Variants in ESPL1 observed in about 807,000 individuals in gnomAD.
The protein encoded by ESPL1 is separin.
ESPL1 carries 50 observed loss-of-function variants against 217.2 expected under a neutral mutation model. The observed-to-expected ratio is 0.23, with a 90% CI of 0.18 to 0.29. The LOEUF is 0.29. Ranked by LOEUF, ESPL1 falls within the 10% of genes least tolerant of loss-of-function variation. ESPL1 has a pLI of 1.00. For missense variants in ESPL1, 1,834 were observed against 2,603.0 expected, an observed-to-expected ratio of 0.70 and a Z score of 6.43; for synonymous variants, 994 against 1,081.3, an observed-to-expected ratio of 0.92 and a Z score of 1.58.
At chr12:53,277,053 G>T in intron 8 of ESPL1, 30 bp from the exon 9 acceptor site, 1 of 1,604,210 alleles carries the variant, frequency 6.2e-7, no homozygotes. Flanking sequence ...CTCATAGTAG[G>T]CCCAGCTTAA....
At position 53,279,723 on chromosome 12, in the gene ESPL1, G is replaced by A. The variant is rs760510118; in HGVS notation, c.2365-9G>A. 2 of 1,614,000 alleles carry A rather than the reference G, an allele frequency of 1.2e-6. No homozygotes were observed. Among genetic ancestry groups the A allele is most frequent in the Non-Finnish European group, 8.5e-7 (1 of 1,179,994 alleles). On this transcript the variant is annotated splice_polypyrimidine_tract_variant and intron_variant, in intron 11 of 30. Transcript: ENST00000257934. Reference sequence around the variant, plus strand: ...GGGTGGAGTAAACTTGGCTGCTTCTGCTGACCAGCCCATGCAGGCTCTGGA... The same window carrying A: ...GGGTGGAGTAAACTTGGCTGCTTCTACTGACCAGCCCATGCAGGCTCTGGA...
Position 53,288,609 on chromosome 12 carries a change from A to C in ESPL1, c.4618A>C (p.Lys1540Gln). The C allele has an allele frequency of 4.3e-6, 7 of 1,613,888 alleles. No homozygotes were observed. The highest frequency in any genetic ancestry group is 5.9e-6 in the Non-Finnish European group (7 of 1,179,998). Residue 1540 changes from lysine to glutamine, a missense_variant, in exon 20 of 31, where the codon AAG becomes CAG. Transcript: ENST00000257934. ...EWELLRLDSSKKKLPSPCPDK... is the reference protein window; with the variant it reads ...EWELLRLDSSQKKLPSPCPDK... Reference sequence around the variant, plus strand: ...GGAGCTGCTGAGGCTGGATTCCAGCAAGAAGAAGCTGCCCAGCCCATGCCC... The same window carrying C: ...GGAGCTGCTGAGGCTGGATTCCAGCCAGAAGAAGCTGCCCAGCCCATGCCC...
chr12:53,273,633 C>A (rs992409397), intron 6 of ESPL1, among the ~76,000 whole-genome samples: 1 of 150,882 alleles, frequency 6.6e-6, no homozygotes, highest in East Asian at 2.1e-4. Context: ...GTGGCATGTG[C>A]CTGTAATCCC....
Position 53,288,383 on chromosome 12 carries a change from G to C in ESPL1, c.4546+42G>C, listed in dbSNP as rs901969071. Reference sequence around the variant, plus strand: ...GAGGTGGAAGGTGCATGTTTTGGGGGTTTGTTCTGGGGCAAAGCACAAGCA... The same window carrying C: ...GAGGTGGAAGGTGCATGTTTTGGGGCTTTGTTCTGGGGCAAAGCACAAGCA... On this transcript the variant is annotated intron_variant, in intron 19 of 30. Transcript: ENST00000257934. 4.5e-6 allele frequency: 7 copies of C among 1,551,264 alleles called. No individual in the cohort carries two copies. In the Admixed American group the frequency reaches 1.2e-4, roughly 27 times the overall value.
chr12:53,290,490 G>T, intron 24 of ESPL1, 21 bp downstream of exon 24: 1 of 1,610,884 alleles, frequency 6.2e-7, no homozygotes. Flanking sequence ...CTGGGGTGGG[G>T]TCAGGCCTGC....
rs1943891366 is a variant in ESPL1, at chr12:53,283,119, C to T, written c.2792-10C>T. 6.2e-7 allele frequency: 1 copy of T among 1,613,984 alleles called. No homozygotes were observed. The highest frequency in any genetic ancestry group is 1.1e-5 in the South Asian group (1 of 91,062). ...TGCATCTTCTCCCTTTTTCACCCCACCCACCACAGGCTGGCAGACACCTGA... is the reference window on the plus strand; with the variant it reads ...TGCATCTTCTCCCTTTTTCACCCCATCCACCACAGGCTGGCAGACACCTGA... On this transcript the variant is annotated splice_polypyrimidine_tract_variant and intron_variant, in intron 14 of 30. Transcript: ENST00000257934.
In ESPL1 at chr12:53,287,159, G is replaced by A. The variant is rs151238366; in HGVS notation, c.4176+247G>A. On this transcript the variant is annotated intron_variant, in intron 18 of 30. Coordinates refer to ENST00000257934, the MANE Select transcript of ESPL1 (RefSeq NM_012291.5). ...GCAATCTCAGCTCACTGCAAGCTCC[G>A]CCTCTTGGGTTCACGCCATTCTCCT... The A allele has an allele frequency of 3.1e-3, 1,117 of 356,680 alleles. 12 individuals carry two copies. The highest frequency in any genetic ancestry group is 0.022 in the African/African-American group (1,019 of 46,426). The allele number at this position is 356,680 out of a possible 1,614,324, so 22.1% of individuals were successfully genotyped here.
chr12:53,277,800 C>A, intron 10 of ESPL1, 21 bp from the exon 11 acceptor site: 1 of 1,612,108 alleles, frequency 6.2e-7, no homozygotes, highest in South Asian at 1.1e-5. Context: ...AGACAGCAGT[C>A]ATTTTCTTCT....
chr12:53,288,078 C>A lies in ESPL1; in HGVS notation c.4283C>A (p.Ala1428Glu). The change falls in exon 19 of 31, where the codon GCA (alanine) becomes GAA (glutamate). Residue 1428 changes from alanine (A) to glutamate (E), a missense_variant. Ala to Glu is a moderately radical substitution (Grantham distance 107). Transcript: ENST00000257934. Reference protein sequence around the residue: ...RGTASRGRGRARKGLSLKTDA... With the variant: ...RGTASRGRGRERKGLSLKTDA... ...ACTGCTTCCCGGGGCCGGGGGCGAG[C>A]AAGGAAGGGCCTGAGCCTAAAGACG... 1 of 1,613,630 alleles carries A rather than the reference C, an allele frequency of 6.2e-7. No individual in the cohort carries two copies. Among genetic ancestry groups the A allele is most frequent in the Non-Finnish European group, 8.5e-7 (1 of 1,179,980 alleles).
chr12:53,290,108 C>T lies in ESPL1; in HGVS notation c.5137C>T (p.Leu1713=). ...AGGGGTGACTGTGTGTGTGTTGGCC[C>T]TGGCCACCCTCCAGCCCGGAACCGT... The part of the protein sequence containing the change: ...PSGVTVCVLA[L]ATLQPGTVGN... Residue 1713 remains leucine (L), a synonymous_variant, in exon 23 of 31, where the codon CTG becomes TTG. Coordinates refer to ENST00000257934, the MANE Select transcript of ESPL1 (RefSeq NM_012291.5). 6.2e-7 allele frequency: 1 copy of T among 1,613,010 alleles called. No individual in the cohort carries two copies. The highest frequency in any genetic ancestry group is 8.5e-7 in the Non-Finnish European group (1 of 1,179,982).
At chr12:53,270,297 C>A in intron 3 of ESPL1, 81 bp from the exon 4 acceptor site, 1 of 1,106,560 alleles carries the variant, frequency 9.0e-7, no homozygotes, top group Non-Finnish European at 1.4e-6. Flanking sequence ...TCTGTCAGCT[C>A]TCCAGGACTC....
intron 17 of ESPL1, among the ~76,000 whole-genome samples, chr12:53,284,540 G>A (rs1012498116): frequency 2.0e-5 from 3 of 151,816 alleles, no homozygotes; most frequent in African/African-American, 7.3e-5. Flanking sequence ...ACAGGCATGA[G>A]CCACCGCTCC....
At chr12:53,279,633 GTCAA>G in intron 11 of ESPL1, 95 bp from the exon 12 acceptor site, 1 of 1,023,708 alleles carries the variant, frequency 9.8e-7, no homozygotes, top group Non-Finnish European at 1.5e-6. Context: ...AGGCCCTGAG[GTCAA>G]ACTACAGTCC....
Position 53,286,009 on chromosome 12 carries a change from T to C in ESPL1, c.3273T>C (p.Pro1091=). The change falls in exon 18 of 31, where the codon CCT becomes CCC. Residue 1091 remains proline (P), a synonymous_variant. Coordinates refer to ENST00000257934, the MANE Select transcript of ESPL1 (RefSeq NM_012291.5). The surrounding 1 kb of genome is among the most constrained non-coding windows in gnomAD (Gnocchi z 5.3). ...KGKQQAQVPC[P]PQLPEEELFL... ...AGCAGCAGGCCCAGGTCCCCTGTCCTCCACAGCTCCCAGAGGAGGAGCTCT... is the reference window on the plus strand; with the variant it reads ...AGCAGCAGGCCCAGGTCCCCTGTCCCCCACAGCTCCCAGAGGAGGAGCTCT... 6.2e-7 allele frequency: 1 copy of C among 1,602,898 alleles called. No homozygotes were observed. The highest frequency in any genetic ancestry group is 8.5e-7 in the Non-Finnish European group (1 of 1,170,746).
At position 53,288,156 on chromosome 12, in the gene ESPL1, G is replaced by A. The variant is rs1943984856; in HGVS notation, c.4361G>A (p.Arg1454Lys). The A allele has an allele frequency of 6.2e-7, 1 of 1,613,076 alleles. No homozygotes were observed. The highest frequency in any genetic ancestry group is 8.5e-7 in the Non-Finnish European group (1 of 1,179,750). Reference sequence around the variant, plus strand: ...CCTGGGAACCCTGGCCTGAATGGCAGGAGCCGGAGGGCCAAGAAGGTGGCA... The same window carrying A: ...CCTGGGAACCCTGGCCTGAATGGCAAGAGCCGGAGGGCCAAGAAGGTGGCA... ...SAPGNPGLNG[R>K]SRRAKKVASR... The change falls in exon 19 of 31, where the codon AGG becomes AAG. Residue 1454 changes from arginine (R) to lysine (K), a missense_variant. By Grantham distance (26) the Arg-to-Lys change is conservative. Transcript: ENST00000257934.
chr12:53,291,874 G>A lies in ESPL1; in HGVS notation c.5691+14G>A, dbSNP rs531829490. On this transcript the variant is annotated intron_variant, in intron 26 of 30. Coordinates refer to ENST00000257934, the MANE Select transcript of ESPL1 (RefSeq NM_012291.5). ...GTCCTAGACAAGGTAAGGAGCTGGG[G>A]CAGAGGGGCAGTGTCTAGTGGGGAG... is the stretch of plus-strand genomic sequence containing the variant. 356 of 1,585,392 alleles carry A rather than the reference G, an allele frequency of 2.2e-4. 3 individuals carry two copies. The South Asian group carries it at 3.9e-3, about 17-fold the overall frequency.
intron 13 of ESPL1, among the ~76,000 whole-genome samples, 169 bp downstream of exon 13, chr12:53,281,795 A>C (rs1387226480): frequency 6.6e-6 from 1 of 152,112 alleles, no homozygotes. Flanking sequence ...TTTGCTCACC[A>C]GTCCTCCTCT....
At position 53,269,571 on chromosome 12, in the gene ESPL1, A is replaced by T; in HGVS notation, c.629A>T (p.His210Leu). ...AAHQLFDASG[H>L]GLNEADADFL... ...CATCAGCTATTTGATGCCAGTGGCC[A>T]TGGTCTAAATGAAGCAGATGCTGAT... Residue 210 changes from histidine to leucine, a missense_variant, in exon 3 of 31, where the codon CAT becomes CTT. Transcript: ENST00000257934. This position sits in a 1 kb window ranked among gnomAD's most constrained non-coding sequence, Gnocchi z 6.7. The T allele has an allele frequency of 6.2e-7, 1 of 1,614,214 alleles. No homozygotes were observed.
chr12:53,274,922 A>G lies in ESPL1; in HGVS notation c.1612A>G (p.Ser538Gly), dbSNP rs371221962. ...GTGGCTGGCAGCCCTGCAACCCTGTAGCCCTGAACACATGGCTGAGCCAGT... is the reference window on the plus strand; with the variant it reads ...GTGGCTGGCAGCCCTGCAACCCTGTGGCCCTGAACACATGGCTGAGCCAGT... Reference protein sequence around the residue: ...ILWLAALQPCSPEHMAEPVTF... With the variant: ...ILWLAALQPCGPEHMAEPVTF... Residue 538 changes from serine to glycine, a missense_variant, in exon 7 of 31, where the codon AGC (serine) becomes GGC (glycine). Transcript: ENST00000257934. 6.2e-7 allele frequency: 1 copy of G among 1,608,408 alleles called. No individual in the cohort carries two copies. The highest frequency in any genetic ancestry group is 1.3e-5 in the African/African-American group (1 of 74,630).
Sources: allele counts gnomAD v4.1 joint callset (sites outside exome capture counted in the v4.1 genomes callset), GRCh38; gene constraint gnomAD v4.1.1; non-coding constraint Gnocchi (gnomAD v3.1); transcripts MANE v1.5; gene names NCBI Gene and HGNC (gene_info 2026-07-23, HGNC 2026-07-21).